DMRT1: variants seen among roughly 807,000 people sequenced by gnomAD.
The protein encoded by DMRT1 is doublesex- and mab-3-related transcription factor 1.
In DMRT1, 7 loss-of-function variants were observed where a neutral mutation model predicts 32.3. The ratio of observed to expected loss-of-function variants is 0.22; its 90% confidence interval spans 0.12 to 0.41. The LOEUF (loss-of-function observed/expected upper bound fraction) is 0.41, where lower values mean the gene tolerates loss of function less well. Ranked by LOEUF, DMRT1 falls within the 10% of genes least tolerant of loss-of-function variation. The pLI, the probability that DMRT1 is intolerant of heterozygous loss-of-function variation, is 1.00. For missense variants in DMRT1, 625 were observed against 500.5 expected (o/e 1.25, Z -2.37); for synonymous variants, 278 against 206.1 (o/e 1.35, Z -2.99).
At chr9:873,925 A>G (rs985957216) in intron 2 of DMRT1, among the ~76,000 whole-genome samples, 2 of 152,192 alleles carry the variant, frequency 1.3e-5, no homozygotes, top group African/African-American at 4.8e-5. Flanking sequence ...GTAGGGGAAA[A>G]GAAATATAGG....
At chr9:930,409 T>TAA (rs199871406) in intron 4 of DMRT1, among the ~76,000 whole-genome samples, 6 of 151,676 alleles carry the variant, frequency 4.0e-5, no homozygotes, top group African/African-American at 1.5e-4. Flanking sequence ...TTTTTTTTAT[T>TAA]AAAAAAATTT....
chr9:900,050 C>T (rs2129662736), intron 3 of DMRT1, among the ~76,000 whole-genome samples: 1 of 152,330 alleles, frequency 6.6e-6, no homozygotes, highest in African/African-American at 2.4e-5. Flanking sequence ...GCTTCCAGAG[C>T]CCACCATGTG....
chr9:861,414 C>T (rs1815661553), intron 2 of DMRT1, among the ~76,000 whole-genome samples: 1 of 150,734 alleles, frequency 6.6e-6, no homozygotes, highest in Non-Finnish European at 1.5e-5. Flanking sequence ...CATCCCAAGG[C>T]AGAAGAATTT....
At chr9:919,089 G>C (rs963944150) in intron 4 of DMRT1, among the ~76,000 whole-genome samples, 1 of 152,158 alleles carries the variant, frequency 6.6e-6, no homozygotes, top group Non-Finnish European at 1.5e-5. Flanking sequence ...TCATTTGTGA[G>C]ATATCGGCAA....
chr9:926,762 T>A (rs2370164), intron 4 of DMRT1, among the ~76,000 whole-genome samples: 105,931 of 151,652 alleles, frequency 0.7, 37,928 homozygotes, highest in South Asian at 0.86. Context: ...TGCTCTGACA[T>A]AGCCAGGTTG....
intron 2 of DMRT1, among the ~76,000 whole-genome samples, chr9:851,968 C>A (rs552356824): frequency 6.9e-6 from 1 of 145,828 alleles, no homozygotes; most frequent in African/African-American, 2.5e-5. Flanking sequence ...TTGAGACAGT[C>A]TCACTCTGTC....
Position 915,610 on chromosome 9 carries a change from G to A in DMRT1, c.823-1153G>A, listed in dbSNP as rs535465232. On this transcript the variant is annotated intron_variant, in intron 3 of 4. Transcript: ENST00000382276. The stretch of plus-strand genomic sequence containing the variant: ...TCCAGAATTCAGATCTCAGACTCCT[G>A]TTCTTGCTGCAGGGAACAGACACCG... Among the ~76,000 whole-genome samples the A allele has an allele frequency of 4.6e-5, 7 of 152,244 alleles. No homozygotes were observed. The South Asian group carries it at 6.2e-4, about 14-fold the overall frequency.
intron 4 of DMRT1, among the ~76,000 whole-genome samples, chr9:928,500 A>G (rs1280011551): frequency 1.3e-5 from 2 of 152,124 alleles, no homozygotes; most frequent in African/African-American, 4.8e-5. Context: ...CTTACTAGAG[A>G]TGATTAACTC....
chr9:921,745 G>A (rs775348712), intron 4 of DMRT1, among the ~76,000 whole-genome samples: 1 of 152,174 alleles, frequency 6.6e-6, no homozygotes, highest in African/African-American at 2.4e-5. Context: ...GCTGGGTTTG[G>A]TGCCACCCAC....
chr9:952,468 A>G (rs1392158447), intron 4 of DMRT1, among the ~76,000 whole-genome samples: 1 of 152,212 alleles, frequency 6.6e-6, no homozygotes, highest in Non-Finnish European at 1.5e-5. Context: ...AAACCTGAGA[A>G]TTTGTGCAAT....
At chr9:952,889 C>G (rs1026520971) in intron 4 of DMRT1, among the ~76,000 whole-genome samples, 8 of 152,136 alleles carry the variant, frequency 5.3e-5, no homozygotes, top group African/African-American at 1.9e-4. Context: ...GTTGGTTAGG[C>G]AGAGTCAGTG....
chr9:915,252 C>T (rs1043460107), intron 3 of DMRT1, among the ~76,000 whole-genome samples: 2 of 152,064 alleles, frequency 1.3e-5, no homozygotes, highest in East Asian at 1.9e-4. Flanking sequence ...GTTGAATGCT[C>T]GGTGTCTCTA....
intron 4 of DMRT1, among the ~76,000 whole-genome samples, chr9:918,908 G>C (rs1367155834): frequency 6.6e-6 from 1 of 152,212 alleles, no homozygotes; most frequent in Admixed American, 6.5e-5. Flanking sequence ...AAGGAAGCGT[G>C]TTTGGAGGTC....
At position 850,127 on chromosome 9, in the gene DMRT1, G is replaced by A. The variant is rs565607867; in HGVS notation, c.538+2984G>A. ...AGCCACCACGCCCAGCTGACAATAG[G>A]CTCTCTGCTAACCAGCTCATCTCTG... On this transcript the variant is annotated intron_variant, in intron 2 of 4. Transcript: ENST00000382276. Among the ~76,000 whole-genome samples the A allele has an allele frequency of 8.6e-4, 131 of 152,250 alleles. 2 individuals are homozygous for A. The South Asian group carries it at 0.011, about 13-fold the overall frequency.
chr9:846,833 A>T, intron 1 of DMRT1, 127 bp from the exon 2 acceptor site: 6 of 1,194,850 alleles, frequency 5.0e-6, no homozygotes, highest in Non-Finnish European at 7.4e-6. Flanking sequence ...TTAAGAAGAA[A>T]TGGGAGATTT....
intron 3 of DMRT1, among the ~76,000 whole-genome samples, chr9:913,635 T>G (rs1334900762): frequency 2.6e-5 from 4 of 151,996 alleles, no homozygotes; most frequent in African/African-American, 9.7e-5. Flanking sequence ...TGGCTGACAC[T>G]TGTAATCTCA....
chr9:935,442 A>G (rs1818854582), intron 4 of DMRT1, among the ~76,000 whole-genome samples: 1 of 152,186 alleles, frequency 6.6e-6, no homozygotes. Flanking sequence ...AGAGAGTGTA[A>G]TTGCCGGAGG....
At chr9:845,505 G>A (rs986804151) in intron 1 of DMRT1, among the ~76,000 whole-genome samples, 2 of 152,110 alleles carry the variant, frequency 1.3e-5, no homozygotes, top group African/African-American at 4.8e-5. Flanking sequence ...ACCCCGCCTG[G>A]CCTTTTTTCA....
At chr9:865,990 C>T (rs1366146015) in intron 2 of DMRT1, among the ~76,000 whole-genome samples, 2 of 151,614 alleles carry the variant, frequency 1.3e-5, no homozygotes, top group Admixed American at 1.3e-4. Flanking sequence ...ATGGTGAAAC[C>T]CTGTCTCTAC....
Sources: allele counts gnomAD v4.1 joint callset (sites outside exome capture counted in the v4.1 genomes callset), GRCh38; gene constraint gnomAD v4.1.1; transcripts MANE v1.5; gene names NCBI Gene and HGNC (gene_info 2026-07-23, HGNC 2026-07-21).